PUS10: variants seen among roughly 807,000 people sequenced by gnomAD.
The protein encoded by PUS10 is pseudouridine synthase 10.
Under a neutral mutation model 75.0 loss-of-function variants are expected in PUS10, and 59 were observed. The ratio of observed to expected loss-of-function variants is 0.79; its 90% CI spans 0.64 to 0.98. PUS10 has a LOEUF of 0.98. PUS10 is among the 50% of genes least tolerant of loss of function. The pLI, the probability that PUS10 is intolerant of heterozygous loss-of-function variation, is 0.00. For synonymous variants in PUS10, 219 were observed against 211.6 expected (o/e 1.03, Z -0.30); for missense variants, 650 against 614.4 (o/e 1.06, Z -0.61).
intron 15 of PUS10, among the ~76,000 whole-genome samples, chr2:60,948,398 G>C (rs1194546133): frequency 6.6e-6 from 1 of 152,116 alleles, no homozygotes; most frequent in African/African-American, 2.4e-5. Context: ...GCTGATTTTT[G>C]TATTTTTTTG....
At chr2:60,953,851 T>G in intron 14 of PUS10, 82 bp downstream of exon 14, 3 of 1,001,580 alleles carry the variant, frequency 3.0e-6, no homozygotes, top group Non-Finnish European at 4.8e-6. Context: ...TTATATATTC[T>G]GGATGCAATT....
At position 61,016,527 on chromosome 2, in the gene PUS10, G is replaced by T. The variant is rs190773709; in HGVS notation, c.-16+1481C>A. On this transcript the variant is annotated intron_variant, in intron 1 of 17. Transcript: ENST00000316752. The stretch of plus-strand genomic sequence containing the variant: ...CATTCCACAATGTAAGTTTTCCAGT[G>T]TTGGTTACCCTCAAGATGTTTGCTT... Among the ~76,000 whole-genome samples the T allele has an allele frequency of 3.3e-5, 5 of 152,262 alleles. No homozygotes were observed. The East Asian group carries it at 7.7e-4, about 23-fold the overall frequency.
At chr2:60,955,159 G>T in intron 11 of PUS10, 85 bp from the exon 12 acceptor site, 1 of 767,344 alleles carries the variant, frequency 1.3e-6, no homozygotes, top group Non-Finnish European at 2.1e-6. Flanking sequence ...AAACCCAACT[G>T]AAGGTCTTGA....
intron 4 of PUS10, among the ~76,000 whole-genome samples, chr2:60,981,337 C>T (rs1450490459): frequency 6.6e-6 from 1 of 152,024 alleles, no homozygotes; most frequent in East Asian, 1.9e-4. Context: ...GGCTGGAGTG[C>T]AACAGCAAGA....
intron 4 of PUS10, among the ~76,000 whole-genome samples, chr2:60,997,609 C>CA (rs559678211): frequency 0.3 from 22,984 of 76,400 alleles, 2,867 homozygotes; most frequent in Middle Eastern, 0.42. Context: ...GACTCCATCT[C>CA]AAAAAAAAAA....
At chr2:60,988,078 G>C in intron 4 of PUS10, among the ~76,000 whole-genome samples, 1 of 151,968 alleles carries the variant, frequency 6.6e-6, no homozygotes, top group Non-Finnish European at 1.5e-5. Flanking sequence ...GAGAGAGCAA[G>C]ACTCCGTCTA....
intron 4 of PUS10, among the ~76,000 whole-genome samples, chr2:60,981,094 T>C (rs772248688): frequency 2.0e-5 from 3 of 152,102 alleles, no homozygotes; most frequent in Non-Finnish European, 4.4e-5. Flanking sequence ...GGTTTCGCCA[T>C]GTTGGCCAGG....
At position 60,955,951 on chromosome 2, in the gene PUS10, G is replaced by A. The variant is rs112656099; in HGVS notation, c.1001-877C>T. On this transcript the variant is annotated intron_variant, in intron 11 of 17. Transcript: ENST00000316752. The stretch of plus-strand genomic sequence containing the variant: ...TGAAAGGAAAAGGAGGGAAAAAAAG[G>A]TTTGACTCTAAGAAGCAAATTCATT... Among the ~76,000 whole-genome samples the A allele has an allele frequency of 5.3e-5, 8 of 152,194 alleles. No individual in the cohort carries two copies. The South Asian group carries it at 1.5e-3, about 28-fold the overall frequency.
Position 60,942,132 on chromosome 2 carries a change from A to G in PUS10, c.*263T>C, listed in dbSNP as rs1403661524. 1.0e-5 allele frequency: 4 copies of G among 398,614 alleles called. No individual in the cohort carries two copies. The East Asian group carries it at 1.7e-4, about 16-fold the overall frequency. 24.7% of individuals were successfully genotyped at this position (398,614 alleles called of 1,614,324 possible). On this transcript the variant is annotated 3_prime_UTR_variant, in exon 18 of 18. Coordinates refer to ENST00000316752, the MANE Select transcript of PUS10 (RefSeq NM_144709.4). ...CTAAATGAAAGAATTAAGGAGAATTATTTCATTATTCATAGTTTGGTTTGT... is the reference window on the plus strand; with the variant it reads ...CTAAATGAAAGAATTAAGGAGAATTGTTTCATTATTCATAGTTTGGTTTGT...
At chr2:61,010,475 T>TG (rs1477231229) in intron 2 of PUS10, 1 of 216,164 alleles carries the variant, frequency 4.6e-6, no homozygotes, top group Admixed American at 5.1e-5. Flanking sequence ...CACAGGCACC[T>TG]GCCATGGCGC....
At chr2:61,004,268 A>G (rs1679051256) in intron 4 of PUS10, among the ~76,000 whole-genome samples, 1 of 152,218 alleles carries the variant, frequency 6.6e-6, no homozygotes, top group African/African-American at 2.4e-5. Context: ...AGCAATTTCT[A>G]TCCAACCTGG....
chr2:60,967,781 C>A (rs1348896545), intron 5 of PUS10, among the ~76,000 whole-genome samples, 168 bp from the exon 6 acceptor site: 1 of 152,230 alleles, frequency 6.6e-6, no homozygotes, highest in East Asian at 1.9e-4. Context: ...AAAAATTCCT[C>A]ACCTCATGGA....
chr2:60,953,215 C>T (rs530138444), intron 14 of PUS10, 101 bp from the exon 15 acceptor site: 24 of 695,756 alleles, frequency 3.4e-5, no homozygotes, highest in Non-Finnish European at 5.9e-5. Context: ...CATATAATTT[C>T]CCAGTTTTAA....
chr2:61,006,104 C>T (rs1019713861), intron 4 of PUS10, among the ~76,000 whole-genome samples: 3 of 152,110 alleles, frequency 2.0e-5, no homozygotes, highest in Non-Finnish European at 2.9e-5. Context: ...CCATTTCTCT[C>T]CCTTTTATCA....
At chr2:61,011,339 CTATT>C (rs1000329362) in intron 2 of PUS10, among the ~76,000 whole-genome samples, 40 of 152,108 alleles carry the variant, frequency 2.6e-4, no homozygotes, top group African/African-American at 7.5e-4. Context: ...TTCCAAATAC[CTATT>C]TATAAACACA....
At chr2:60,993,899 C>A (rs1189952800) in intron 4 of PUS10, among the ~76,000 whole-genome samples, 1 of 152,020 alleles carries the variant, frequency 6.6e-6, no homozygotes, top group African/African-American at 2.4e-5. Flanking sequence ...ACGCCATTCT[C>A]CTTTCTCAGC....
At chr2:61,012,446 T>C (rs1573528882) in intron 1 of PUS10, among the ~76,000 whole-genome samples, 2 of 151,986 alleles carry the variant, frequency 1.3e-5, no homozygotes, top group East Asian at 3.9e-4. Flanking sequence ...AGACTAGCCA[T>C]AGAAAAACTA....
chr2:60,994,753 G>C lies in PUS10; in HGVS notation c.468+11804C>G, dbSNP rs563697799. ...AGAAAATACTAAAGTCAAAACCTAG[G>C]CTAAGTCCCACTTATAACACAGAAA... On this transcript the variant is annotated intron_variant, in intron 4 of 17. Transcript: ENST00000316752. Among the ~76,000 whole-genome samples, 19 of 152,236 alleles carry C rather than the reference G, an allele frequency of 1.2e-4. No homozygotes were observed. The East Asian group carries it at 3.7e-3, about 29-fold the overall frequency.
chr2:61,003,366 G>A (rs1187225416), intron 4 of PUS10, among the ~76,000 whole-genome samples: 1 of 151,474 alleles, frequency 6.6e-6, no homozygotes, highest in Non-Finnish European at 1.5e-5. Flanking sequence ...TGAGGCTGAG[G>A]CAGGAAAATT....
Sources: gnomAD v4.1 joint callset for allele counts (sites outside exome capture counted in the v4.1 genomes callset) on GRCh38, gnomAD v4.1.1 for gene constraint, MANE v1.5 for transcripts, NCBI Gene and HGNC (gene_info 2026-07-23, HGNC 2026-07-21) for gene names.